The following SFXN1 variants were observed in gnomAD, a reference collection of about 807,000 sequenced individuals.
SFXN1 encodes sideroflexin-1.
Under a neutral mutation model 39.5 loss-of-function variants are expected in SFXN1, and 32 were observed. The observed-to-expected ratio is 0.81, with a 90% CI of 0.61 to 1.09. The LOEUF is 1.09. SFXN1 is among the 50% of genes least tolerant of loss of function. The pLI, the probability that SFXN1 is intolerant of heterozygous loss-of-function variation, is 0.00. For synonymous variants in SFXN1, 136 were observed against 146.5 expected, an observed-to-expected ratio of 0.93 and a Z score of 0.52; for missense variants, 402 against 407.1, an observed-to-expected ratio of 0.99 and a Z score of 0.11.
At chr5:175,512,749 T>C (rs577761800) in intron 6 of SFXN1, among the ~76,000 whole-genome samples, 66 of 152,256 alleles carry the variant, frequency 4.3e-4, no homozygotes, top group African/African-American at 1.5e-3. Flanking sequence ...AGTTAATAAA[T>C]ATACAGTAGG....
intron 1 of SFXN1, among the ~76,000 whole-genome samples, chr5:175,483,438 C>A (rs1759330565): frequency 6.6e-6 from 1 of 152,118 alleles, no homozygotes; most frequent in Non-Finnish European, 1.5e-5. Context: ...GAAAAAGATT[C>A]TTAGAATTAA....
chr5:175,486,355 C>G (rs114867039), intron 1 of SFXN1, among the ~76,000 whole-genome samples: 4,019 of 152,338 alleles, frequency 0.026, 175 homozygotes, highest in African/African-American at 0.092. Flanking sequence ...GCCATGCAAC[C>G]TGGGCAAGTT....
chr5:175,524,757 A>C (rs767743045), intron 10 of SFXN1, among the ~76,000 whole-genome samples: 15 of 152,190 alleles, frequency 9.9e-5, no homozygotes, highest in Non-Finnish European at 2.2e-4. Context: ...ATAGAAACAA[A>C]ATAGACAGTT....
chr5:175,509,171 A>T lies in SFXN1; in HGVS notation c.304A>T (p.Thr102Ser). The T allele has an allele frequency of 6.2e-7, 1 of 1,613,762 alleles. No homozygotes were observed. Among genetic ancestry groups the T allele is most frequent in the Non-Finnish European group, 8.5e-7 (1 of 1,179,878 alleles). ...RMSAQVPMNM[T>S]ITGCMMTFYR... The stretch of plus-strand genomic sequence containing the variant: ...GTCAGCCCAGGTTCCCATGAACATG[A>T]CCATCACAGGTTGTATGATGACGTT... The change falls in exon 3 of 11, where the codon ACC (threonine) becomes TCC (serine). Residue 102 changes from threonine (T) to serine (S), a missense_variant. Transcript: ENST00000321442.
At chr5:175,492,069 G>A (rs372330819) in intron 1 of SFXN1, 26 bp from the exon 2 acceptor site, 23 of 1,581,762 alleles carry the variant, frequency 1.5e-5, no homozygotes, top group African/African-American at 6.8e-5. Flanking sequence ...AGCCTTACAC[G>A]AACTTGCCTT....
rs1044151276 is a variant in SFXN1, at chr5:175,527,744, A to C, written c.*1010A>C. The C allele has an allele frequency of 2.6e-5, 4 of 152,172 alleles. No individual in the cohort carries two copies. The highest frequency in any genetic ancestry group is 9.7e-5 in the African/African-American group (4 of 41,440). The allele number at this position is 152,172 out of a possible 1,614,324, so 9.4% of individuals were successfully genotyped here. The stretch of plus-strand genomic sequence containing the variant: ...TGTATGTTGCATTCCACTTCATTTG[A>C]AAATAATGAAACCATGTACCACTGT... On this transcript the variant is annotated 3_prime_UTR_variant, in exon 11 of 11. Transcript: ENST00000321442.
At chr5:175,516,573 G>T in intron 7 of SFXN1, 41 bp from the exon 8 acceptor site, 2 of 1,539,576 alleles carry the variant, frequency 1.3e-6, no homozygotes, top group Non-Finnish European at 8.8e-7. Context: ...CTGAAAATTG[G>T]CATTAAATAA....
At chr5:175,525,485 AT>A (rs757618038) in intron 10 of SFXN1, among the ~76,000 whole-genome samples, 2 of 152,018 alleles carry the variant, frequency 1.3e-5, no homozygotes, top group East Asian at 1.9e-4. Context: ...CCATCATGGG[AT>A]TTTTTTTCCT....
intron 1 of SFXN1, among the ~76,000 whole-genome samples, chr5:175,481,491 T>A (rs1324805771): frequency 7.2e-5 from 11 of 152,214 alleles, no homozygotes; most frequent in African/African-American, 2.7e-4. Flanking sequence ...GCCTGTTGTA[T>A]TTTTAGTAGA....
chr5:175,496,865 ATTTG>A (rs940987073), intron 2 of SFXN1, among the ~76,000 whole-genome samples: 5 of 150,942 alleles, frequency 3.3e-5, no homozygotes, highest in African/African-American at 1.2e-4. Flanking sequence ...GCTTTGGGGT[ATTTG>A]TTAGGTTCTG....
intron 4 of SFXN1, 22 bp from the exon 5 acceptor site, chr5:175,511,429 C>T (rs192161636): frequency 1.2e-5 from 20 of 1,606,024 alleles, no homozygotes; most frequent in Admixed American, 1.7e-5. Context: ...GTCGTCCACA[C>T]GATATCCTTT....
At chr5:175,512,891 C>A (rs1215164337) in intron 6 of SFXN1, among the ~76,000 whole-genome samples, 3 of 152,086 alleles carry the variant, frequency 2.0e-5, no homozygotes, top group Non-Finnish European at 2.9e-5. Context: ...GTTAGTGTGT[C>A]CACCCTTTGA....
intron 2 of SFXN1, among the ~76,000 whole-genome samples, chr5:175,500,915 C>G (rs983474219): frequency 6.6e-6 from 1 of 152,062 alleles, no homozygotes; most frequent in African/African-American, 2.4e-5. Context: ...AAATTAGATT[C>G]TTGTATAAAA....
intron 8 of SFXN1, among the ~76,000 whole-genome samples, chr5:175,519,918 G>T (rs964698402): frequency 2.2e-5 from 3 of 134,532 alleles, no homozygotes; most frequent in Non-Finnish European, 4.6e-5. Flanking sequence ...TCACCAGGCT[G>T]GAGTGCAATG....
chr5:175,512,570 T>C (rs1373696481), intron 6 of SFXN1, among the ~76,000 whole-genome samples: 1 of 152,236 alleles, frequency 6.6e-6, no homozygotes, highest in Non-Finnish European at 1.5e-5. Flanking sequence ...TTCCTTTTTT[T>C]TCTCCAGAAT....
intron 10 of SFXN1, chr5:175,523,528 T>C (rs1361585539): frequency 6.6e-6 from 1 of 152,188 alleles, no homozygotes; most frequent in East Asian, 1.9e-4. Context: ...CCAAGGGGTG[T>C]GCCTGATACC....
At chr5:175,500,934 T>G (rs900197562) in intron 2 of SFXN1, among the ~76,000 whole-genome samples, 3 of 152,214 alleles carry the variant, frequency 2.0e-5, no homozygotes, top group Admixed American at 1.3e-4. Context: ...AAAATGGATC[T>G]TGATGCTTAA....
intron 1 of SFXN1, among the ~76,000 whole-genome samples, chr5:175,487,900 A>G (rs910336583): frequency 1.3e-5 from 2 of 152,072 alleles, no homozygotes; most frequent in African/African-American, 4.8e-5. Flanking sequence ...TCCCACATCT[A>G]AGATGTCAAG....
Position 175,513,377 on chromosome 5 carries a change from AG to A in SFXN1, c.597-83del. 2.3e-6 allele frequency: 3 copies of A among 1,332,310 alleles called. No homozygotes were observed. The South Asian group carries it at 4.0e-5, about 18-fold the overall frequency. The allele number at this position is 1,332,310 out of a possible 1,614,324, so 82.5% of individuals were successfully genotyped here. A position where few individuals can be genotyped will look rare whatever the true frequency, so the allele number is the denominator to read the frequency against. The stretch of plus-strand genomic sequence containing the variant: ...TTGAGTGGGTATTTGAATTAAGTAG[AG>A]GGTTGATCTTTCCCAACATAGTACT... On this transcript the variant is annotated intron_variant, in intron 6 of 10. Coordinates refer to ENST00000321442, the MANE Select transcript of SFXN1 (RefSeq NM_022754.7).
Sources: allele counts gnomAD v4.1 joint callset (sites outside exome capture counted in the v4.1 genomes callset), GRCh38; gene constraint gnomAD v4.1.1; transcripts MANE v1.5; gene names NCBI Gene and HGNC (gene_info 2026-07-23, HGNC 2026-07-21).